SHE: variants seen among roughly 807,000 people sequenced by gnomAD.
SHE encodes the protein Src homology 2 domain containing E.
Under a neutral mutation model 49.8 loss-of-function variants are expected in SHE, and 11 were observed. The observed-to-expected ratio is 0.22, with a 90% confidence interval of 0.14 to 0.37. SHE has a LOEUF of 0.37. SHE is among the 10% of genes least tolerant of loss of function. SHE has a pLI of 1.00. For synonymous variants in SHE, 310 were observed against 278.1 expected, an observed-to-expected ratio of 1.11 and a Z score of -1.14; for missense variants, 624 against 655.5, an observed-to-expected ratio of 0.95 and a Z score of 0.52.
chr1:154,475,415 G>A (rs1428626787), downstream of SHE, among the ~76,000 whole-genome samples: 1 of 152,108 alleles, frequency 6.6e-6, no homozygotes, highest in Non-Finnish European at 1.5e-5. Context: ...CTGAACTCCC[G>A]ACCTCAGGTG....
chr1:154,479,342 G>A (rs1219501605), downstream of SHE: 2 of 217,212 alleles, frequency 9.2e-6, no homozygotes, highest in African/African-American at 4.7e-5. Context: ...GAATCTGCTG[G>A]TTATGTTCCA....
rs1387320751 is a variant in SHE, at chr1:154,480,876, C to A, written c.*3273G>T. The A allele has an allele frequency of 1.0e-6, 1 of 985,238 alleles. No individual in the cohort carries two copies. The highest frequency in any genetic ancestry group is 1.1e-4 in the East Asian group (1 of 8,812). The allele number at this position is 985,238 out of a possible 1,614,324, so 61.0% of individuals were successfully genotyped here. ...ACTCTCTCTTCTTATAGGCCTGAAACTAACCAACTGAACTTGTCCAGTCAT... is the reference window on the plus strand; with the variant it reads ...ACTCTCTCTTCTTATAGGCCTGAAAATAACCAACTGAACTTGTCCAGTCAT... On this transcript the variant is annotated 3_prime_UTR_variant, in exon 6 of 6. Transcript: ENST00000304760.
At chr1:154,472,552 C>T (rs1002863545) in intron 1 of SHE, among the ~76,000 whole-genome samples, 1 of 152,156 alleles carries the variant, frequency 6.6e-6, no homozygotes, top group African/African-American at 2.4e-5. Flanking sequence ...TACTTCCGGA[C>T]CTGGTGGGCT....
At chr1:154,487,679 C>T (rs1402264684) in intron 3 of SHE, among the ~76,000 whole-genome samples, 3 of 151,452 alleles carry the variant, frequency 2.0e-5, no homozygotes, top group African/African-American at 2.4e-5. Context: ...CAGTGAGACC[C>T]CATCTCTAAA....
chr1:154,480,391 C>T lies in SHE; in HGVS notation c.*3758G>A, dbSNP rs1691987790. On this transcript the variant is annotated 3_prime_UTR_variant, in exon 6 of 6. Transcript: ENST00000304760. ...AGAACAGAAACTAACCCCACTTAAC[C>T]CGCAACTGAAGAATGCCTCACAGTT... The T allele has an allele frequency of 3.0e-6, 3 of 985,308 alleles. No homozygotes were observed. The highest frequency in any genetic ancestry group is 4.7e-5 in the South Asian group (1 of 21,280). The allele number at this position is 985,308 out of a possible 1,614,324, so 61.0% of individuals were successfully genotyped here.
At position 154,484,129 on chromosome 1, in the gene SHE, G is replaced by A. The variant is rs1692098898; in HGVS notation, c.*20C>T. ...TGCCCTTGAAGGTGCCAGAGGCCCA[G>A]GGCTTGCAGTGGCTGAATCTTAGTG... On this transcript the variant is annotated 3_prime_UTR_variant, in exon 6 of 6. Coordinates refer to ENST00000304760, the MANE Select transcript of SHE (RefSeq NM_001010846.3). 1.9e-6 allele frequency: 3 copies of A among 1,605,442 alleles called. No individual in the cohort carries two copies. Among genetic ancestry groups the A allele is most frequent in the Non-Finnish European group, 2.6e-6 (3 of 1,173,680 alleles).
At position 154,482,940 on chromosome 1, in the gene SHE, G is replaced by A. The variant is rs1692061274; in HGVS notation, c.*1209C>T. On this transcript the variant is annotated 3_prime_UTR_variant, in exon 6 of 6. Transcript: ENST00000304760. ...TTACTACAAAGCAAATCTAATTTTA[G>A]AGACAAAAATTAAAAATTATTCCAT... is the stretch of plus-strand genomic sequence containing the variant. The A allele has an allele frequency of 2.0e-6, 2 of 984,758 alleles. No individual in the cohort carries two copies. The highest frequency in any genetic ancestry group is 4.7e-5 in the South Asian group (1 of 21,278). 61.0% of individuals were successfully genotyped at this position (984,758 alleles called of 1,614,324 possible). A position where few individuals can be genotyped will look rare whatever the true frequency, so the allele number is the denominator to read the frequency against.
Position 154,489,347 on chromosome 1 carries a change from C to G in SHE, c.728G>C (p.Arg243Pro). 1 of 1,612,442 alleles carries G rather than the reference C, an allele frequency of 6.2e-7. No individual in the cohort carries two copies. The highest frequency in any genetic ancestry group is 8.5e-7 in the Non-Finnish European group (1 of 1,179,264). Residue 243 changes from arginine (R) to proline (P), a missense_variant, in exon 3 of 6, where the codon CGA (arginine) becomes CCA (proline). This residue lies in a region of SHE where 155 missense variants were observed against 142.0 expected (regional missense o/e 1.09). Coordinates refer to ENST00000304760, the MANE Select transcript of SHE (RefSeq NM_001010846.3). ...DAQQMITEIR[R>P]RGSKDPLVKA... ...CACCAGGGGATCTTTGGAACCCCGT[C>G]GTCTAATTTCTGAAAAACACACACC... is the stretch of plus-strand genomic sequence containing the variant.
rs1342192937 is a variant in SHE at position 154,481,297 on chromosome 1, C to T, written c.*2852G>A. 1.0e-6 allele frequency: 1 copy of T among 985,338 alleles called. No homozygotes were observed. The highest frequency in any genetic ancestry group is 1.7e-5 in the African/African-American group (1 of 57,246). 61.0% of individuals were successfully genotyped at this position (985,338 alleles called of 1,614,324 possible). A position where few individuals can be genotyped will look rare whatever the true frequency, so the allele number is the denominator to read the frequency against. On this transcript the variant is annotated 3_prime_UTR_variant, in exon 6 of 6. Transcript: ENST00000304760. ...GAAGAAAATAGCTCACTAACGCCCC[C>T]ACCTCTGACTTCCCACTAATTTACT... is the stretch of plus-strand genomic sequence containing the variant.
downstream of SHE, among the ~76,000 whole-genome samples, chr1:154,477,942 A>T (rs1691921523): frequency 6.6e-6 from 1 of 151,872 alleles, no homozygotes; most frequent in Non-Finnish European, 1.5e-5. Flanking sequence ...TGCACTCATT[A>T]AACAACTCCC....
chr1:154,482,398 T>C lies in SHE; in HGVS notation c.*1751A>G. The C allele has an allele frequency of 4.1e-6, 4 of 985,438 alleles. No homozygotes were observed. Among genetic ancestry groups the C allele is most frequent in the Non-Finnish European group, 4.8e-6 (4 of 829,920 alleles). 61.0% of individuals were successfully genotyped at this position (985,438 alleles called of 1,614,324 possible). The stretch of plus-strand genomic sequence containing the variant: ...TAAAATCAAAGATCACACAACCTTT[T>C]GGCTGAGATCTTATCTGAATAAAGA... On this transcript the variant is annotated 3_prime_UTR_variant, in exon 6 of 6. Transcript: ENST00000304760.
At chr1:154,493,833 G>A (rs1254386913) in intron 2 of SHE, among the ~76,000 whole-genome samples, 1 of 152,136 alleles carries the variant, frequency 6.6e-6, no homozygotes, top group African/African-American at 2.4e-5. Flanking sequence ...TACTGACTAG[G>A]TATACACCTG....
In SHE at chr1:154,489,130, G is replaced by C. The variant is rs775192360; in HGVS notation, c.945C>G (p.Pro315=). 4 of 1,613,580 alleles carry C rather than the reference G, an allele frequency of 2.5e-6. No individual in the cohort carries two copies. The highest frequency in any genetic ancestry group is 1.3e-5 in the African/African-American group (1 of 74,918). Residue 315 remains proline, a synonymous_variant, in exon 3 of 6, where the codon CCC becomes CCG. Coordinates refer to ENST00000304760, the MANE Select transcript of SHE (RefSeq NM_001010846.3). ...CTGCCGCGGGCCTCTCGTCGTTCTCGGGCAGCCGGCTGTCTGGGGGCCGCG... is the reference window on the plus strand; with the variant it reads ...CTGCCGCGGGCCTCTCGTCGTTCTCCGGCAGCCGGCTGTCTGGGGGCCGCG... ...GKARPPDSRL[P]ENDERPAAEY...
intron 2 of SHE, among the ~76,000 whole-genome samples, chr1:154,497,672 AT>A (rs575539721): frequency 1.1e-3 from 172 of 150,856 alleles, no homozygotes; most frequent in African/African-American, 3.8e-3. Flanking sequence ...CACAGCAATG[AT>A]TTTTTTTTCT....
intron 4 of SHE, 116 bp from the exon 5 acceptor site, chr1:154,486,178 C>G (rs149602918): frequency 7.3e-7 from 1 of 1,373,270 alleles, no homozygotes; most frequent in Non-Finnish European, 1.0e-6. Context: ...GACGCAACAG[C>G]CTGAACTAGA....
At position 154,486,676 on chromosome 1, in the gene SHE, A is replaced by C. The variant is rs772394260; in HGVS notation, c.1032T>G (p.Phe344Leu). 6 of 1,614,042 alleles carry C rather than the reference A, an allele frequency of 3.7e-6. No individual in the cohort carries two copies. In the South Asian group the frequency reaches 6.6e-5, roughly 18 times the overall value. Residue 344 changes from phenylalanine to leucine, a missense_variant, in exon 4 of 6, where the codon TTT (phenylalanine) becomes TTG (leucine). By Grantham distance (22) the Phe-to-Leu change is conservative (BLOSUM62 0). Around this residue, in one of 4 missense-constraint regions of SHE, gnomAD observed 155 missense variants for 142.0 expected, o/e 1.09. Transcript: ENST00000304760. Reference protein sequence around the residue: ...EQIVRALSVQFEGAERPSFRE... With the variant: ...EQIVRALSVQLEGAERPSFRE... ...TGAAGGAAGGTCGCTCAGCTCCTTC[A>C]AACTGGACTGGAAGGAAGACTCCAT...
intron 3 of SHE, 100 bp from the exon 4 acceptor site, chr1:154,486,783 G>A: frequency 7.3e-7 from 1 of 1,378,506 alleles, no homozygotes; most frequent in Non-Finnish European, 9.9e-7. Context: ...CAGGAAAGAA[G>A]CATTTTCCCC....
intron 1 of SHE, among the ~76,000 whole-genome samples, chr1:154,471,245 C>G (rs1194042941): frequency 6.6e-6 from 1 of 151,872 alleles, no homozygotes; most frequent in Non-Finnish European, 1.5e-5. Flanking sequence ...ACAGGCCAGG[C>G]GCAGTGGCTC....
At chr1:154,487,831 C>T (rs1692228082) in intron 3 of SHE, among the ~76,000 whole-genome samples, 1 of 140,160 alleles carries the variant, frequency 7.1e-6, no homozygotes, top group Non-Finnish European at 1.5e-5. Context: ...GCCTGGGTGA[C>T]AGAGTGAGAC....
Sources: gnomAD v4.1 joint callset for allele counts (sites outside exome capture counted in the v4.1 genomes callset) on GRCh38, gnomAD v4.1.1 for gene constraint, gnomAD v4.1.1 regional missense constraint, MANE v1.5 for transcripts, NCBI Gene and HGNC (gene_info 2026-07-23, HGNC 2026-07-21) for gene names.